SCHIP1: variants seen among roughly 807,000 people sequenced by gnomAD.
The protein encoded by SCHIP1 is schwannomin interacting protein 1.
SCHIP1 carries 8 observed loss-of-function variants against 29.7 expected under a neutral mutation model. The observed-to-expected ratio is 0.27, with a 90% CI of 0.16 to 0.49. SCHIP1 has a LOEUF of 0.49. Among genes scored for constraint, SCHIP1 ranks in the 20% least tolerant of loss-of-function variants. SCHIP1 has a pLI of 0.99. For missense variants in SCHIP1, 193 were observed against 294.6 expected (o/e 0.66, Z 2.52); for synonymous variants, 76 against 94.9 (o/e 0.80, Z 1.16).
chr3:159,310,132 G>A, the SCHIP1 span, among the ~76,000 whole-genome samples: 11 of 152,186 alleles, frequency 7.2e-5, no homozygotes, highest in South Asian at 1.5e-3. Flanking sequence ...TATTAGTGGG[G>A]GCATTTAATT....
the SCHIP1 span, among the ~76,000 whole-genome samples, chr3:159,619,709 T>C: frequency 3.9e-4 from 59 of 152,246 alleles, no homozygotes; most frequent in Admixed American, 1.2e-3. Context: ...TTTGTTGTTA[T>C]TGTTTTTAAT....
chr3:159,584,880 A>G, the SCHIP1 span, among the ~76,000 whole-genome samples: 39 of 151,974 alleles, frequency 2.6e-4, no homozygotes, highest in African/African-American at 8.7e-4. Flanking sequence ...CTCAGCCCTA[A>G]CCACACTGAC....
At chr3:159,573,266 T>C in the SCHIP1 span, among the ~76,000 whole-genome samples, 1 of 152,212 alleles carries the variant, frequency 6.6e-6, no homozygotes, top group South Asian at 2.1e-4. Context: ...TTTCTTTCCA[T>C]GTTTAGTGCT....
chr3:159,674,385 G>T, the SCHIP1 span, among the ~76,000 whole-genome samples: 2 of 152,108 alleles, frequency 1.3e-5, no homozygotes, highest in African/African-American at 2.4e-5. Context: ...AAGTGCCCCT[G>T]AGAGGGCATC....
the SCHIP1 span, among the ~76,000 whole-genome samples, chr3:159,817,085 T>A: frequency 6.6e-6 from 1 of 152,230 alleles, no homozygotes; most frequent in Non-Finnish European, 1.5e-5. Context: ...CTGTATTCCT[T>A]GAGCCTGTTA....
the SCHIP1 span, among the ~76,000 whole-genome samples, chr3:159,684,826 G>GAAAGAAA: frequency 1.4e-5 from 2 of 142,088 alleles, no homozygotes; most frequent in East Asian, 4.1e-4. Flanking sequence ...AAGAAAGAAA[G>GAAAGAAA]AAAGAAAAAA....
the SCHIP1 span, among the ~76,000 whole-genome samples, chr3:159,426,328 G>A: frequency 9.9e-4 from 150 of 152,002 alleles, no homozygotes; most frequent in African/African-American, 3.2e-3. Flanking sequence ...TCAAATAGAC[G>A]CAATAAAAAA....
the SCHIP1 span, among the ~76,000 whole-genome samples, chr3:159,626,209 TATATCTAG>T: frequency 1.6e-5 from 2 of 123,820 alleles, no homozygotes; most frequent in Admixed American, 7.5e-5. Flanking sequence ...GATAGATAGA[TATATCTAG>T]ATATATATAT....
the SCHIP1 span, chr3:159,398,872 T>C: frequency 1.8e-6 from 1 of 560,216 alleles, no homozygotes; most frequent in Non-Finnish European, 2.3e-6. Flanking sequence ...TTTAGTACCT[T>C]AGGACACCCA....
the SCHIP1 span, among the ~76,000 whole-genome samples, chr3:159,329,030 T>G: frequency 6.6e-6 from 1 of 152,142 alleles, no homozygotes; most frequent in Non-Finnish European, 1.5e-5. Flanking sequence ...CAAAGAGTCT[T>G]AGATCCTTTT....
At chr3:159,633,321 G>A in the SCHIP1 span, among the ~76,000 whole-genome samples, 1 of 152,274 alleles carries the variant, frequency 6.6e-6, no homozygotes, top group South Asian at 2.1e-4. Context: ...AGGGTGACAT[G>A]TATTAAAGAT....
the SCHIP1 span, among the ~76,000 whole-genome samples, chr3:159,503,022 C>T: frequency 6.6e-6 from 1 of 152,206 alleles, no homozygotes; most frequent in Non-Finnish European, 1.5e-5. Context: ...CTTCTCTCCC[C>T]AGGAGACACT....
At chr3:159,721,923 AT>A in the SCHIP1 span, 10 of 425,742 alleles carry the variant, frequency 2.3e-5, no homozygotes, top group South Asian at 1.6e-4. Context: ...GGAAACACAA[AT>A]GTTTTCTTGA....
chr3:159,570,771 C>G, the SCHIP1 span, among the ~76,000 whole-genome samples: 1 of 152,156 alleles, frequency 6.6e-6, no homozygotes, highest in Non-Finnish European at 1.5e-5. Flanking sequence ...TTCTTCGTAT[C>G]CATGAGCATG....
At chr3:159,299,693 A>G in the SCHIP1 span, among the ~76,000 whole-genome samples, 3 of 151,974 alleles carry the variant, frequency 2.0e-5, no homozygotes, top group African/African-American at 7.3e-5. Context: ...TCTGGTGTGG[A>G]GCGAGCATCC....
the SCHIP1 span, among the ~76,000 whole-genome samples, chr3:159,297,895 A>C: frequency 1.3e-5 from 2 of 152,100 alleles, no homozygotes; most frequent in East Asian, 3.9e-4. Context: ...CAGCAGCCCC[A>C]TCCCCACCCA....
the SCHIP1 span, among the ~76,000 whole-genome samples, chr3:159,807,207 C>T: frequency 6.6e-6 from 1 of 152,184 alleles, no homozygotes; most frequent in African/African-American, 2.4e-5. Flanking sequence ...TTGCAAACCA[C>T]TTAAGAGTTG....
At chr3:159,599,249 A>G in the SCHIP1 span, among the ~76,000 whole-genome samples, 2 of 152,092 alleles carry the variant, frequency 1.3e-5, no homozygotes, top group African/African-American at 4.8e-5. Flanking sequence ...TGGTTGTTTT[A>G]TATACTCACT....
chr3:159,842,048 A>G (rs571467303), intron 1 of SCHIP1, among the ~76,000 whole-genome samples: 4 of 152,326 alleles, frequency 2.6e-5, no homozygotes, highest in Admixed American at 2.6e-4. Flanking sequence ...TAGATTCAGA[A>G]AAGGTGCTTT....
Sources: allele counts gnomAD v4.1 joint callset (sites outside exome capture counted in the v4.1 genomes callset), GRCh38; gene constraint gnomAD v4.1.1; transcripts MANE v1.5; gene names NCBI Gene and HGNC (gene_info 2026-07-23, HGNC 2026-07-21).